ESRP1: variants seen among roughly 807,000 people sequenced by gnomAD.
The protein encoded by ESRP1 is RNA-binding motif protein 35A.
ESRP1 carries 33 observed loss-of-function variants against 81.7 expected under a neutral mutation model. The observed-to-expected ratio is 0.40, with a 90% CI of 0.31 to 0.54. ESRP1 has a LOEUF of 0.54. ESRP1 is among the 20% of genes least tolerant of loss of function. ESRP1 has a pLI of 0.41. For synonymous variants in ESRP1, 320 were observed against 303.3 expected (o/e 1.06, Z -0.57); for missense variants, 672 against 833.1 (o/e 0.81, Z 2.38).
intron 4 of ESRP1, among the ~76,000 whole-genome samples, chr8:94,658,571 T>C (rs1196218396): frequency 6.6e-6 from 1 of 152,236 alleles, no homozygotes; most frequent in Non-Finnish European, 1.5e-5. Context: ...TATAGGGTGG[T>C]ACCTGAGCAC....
rs193067074 is a variant in ESRP1 at position 94,641,482 on chromosome 8, G to A, written c.132+32G>A. 2.5e-5 allele frequency: 40 copies of A among 1,613,802 alleles called. No homozygotes were observed. In the African/African-American group the frequency reaches 5.1e-4, roughly 20 times the overall value. On this transcript the variant is annotated intron_variant, in intron 1 of 15. Transcript: ENST00000433389. ...CTCCACATTTTCGTCTAAATGCAAG[G>A]AATGGGGCAAGAAGTTTGTGGTAGA...
chr8:94,680,493 T>A (rs867321414), intron 13 of ESRP1, among the ~76,000 whole-genome samples: 3 of 152,242 alleles, frequency 2.0e-5, no homozygotes, highest in Middle Eastern at 6.8e-3. Context: ...AATGGCGTGA[T>A]CTTGTCTCAC....
intron 4 of ESRP1, among the ~76,000 whole-genome samples, chr8:94,649,949 A>G (rs1818037763): frequency 6.6e-6 from 1 of 152,130 alleles, no homozygotes; most frequent in Non-Finnish European, 1.5e-5. Context: ...TGCACCATTG[A>G]GCAGAAAGTA....
intron 3 of ESRP1, among the ~76,000 whole-genome samples, chr8:94,645,569 T>C (rs1209949699): frequency 6.6e-6 from 1 of 152,172 alleles, no homozygotes; most frequent in Non-Finnish European, 1.5e-5. Flanking sequence ...AGTTTGTTTT[T>C]GTTTGTGTTT....
chr8:94,664,405 T>C (rs1046830338), intron 6 of ESRP1, among the ~76,000 whole-genome samples: 10 of 152,134 alleles, frequency 6.6e-5, no homozygotes, highest in African/African-American at 2.4e-4. Flanking sequence ...ATTACAGACA[T>C]AAGCCACCAC....
At chr8:94,686,865 G>A (rs1232271354) in intron 13 of ESRP1, among the ~76,000 whole-genome samples, 1 of 151,934 alleles carries the variant, frequency 6.6e-6, no homozygotes, top group Non-Finnish European at 1.5e-5. Flanking sequence ...TTCTTATTTG[G>A]CGTGCAATTA....
intron 9 of ESRP1, 36 bp from the exon 10 acceptor site, chr8:94,667,913 T>C: frequency 1.3e-6 from 2 of 1,513,410 alleles, no homozygotes; most frequent in Non-Finnish European, 8.9e-7. Flanking sequence ...GTCTTAACTA[T>C]TTCTCTCCCT....
At position 94,662,501 on chromosome 8, in the gene ESRP1, A is replaced by T; in HGVS notation, c.590A>T (p.Asn197Ile). Residue 197 changes from asparagine to isoleucine, a missense_variant and splice_region_variant, in exon 6 of 16, where the codon AAT becomes ATT. Coordinates refer to ENST00000433389, the MANE Select transcript of ESRP1 (RefSeq NM_017697.4). Reference protein sequence around the residue: ...IILAMISEPYNHRFSDPERVN... With the variant: ...IILAMISEPYIHRFSDPERVN... ...ATGACTTTTATGTTCTCATTTTTAG[A>T]TCACAGGTTTTCAGATCCAGAGAGA... is the stretch of plus-strand genomic sequence containing the variant. 1 of 1,606,008 alleles carries T rather than the reference A, an allele frequency of 6.2e-7. No homozygotes were observed. Among genetic ancestry groups the T allele is most frequent in the East Asian group, 2.2e-5 (1 of 44,850 alleles).
chr8:94,679,495 T>C (rs950885479), intron 13 of ESRP1, among the ~76,000 whole-genome samples: 1 of 152,188 alleles, frequency 6.6e-6, no homozygotes, highest in African/African-American at 2.4e-5. Context: ...TACAGTGTAA[T>C]TGTAGAATAT....
intron 13 of ESRP1, among the ~76,000 whole-genome samples, chr8:94,686,176 G>C (rs955944587): frequency 6.6e-6 from 1 of 152,100 alleles, no homozygotes; most frequent in Non-Finnish European, 1.5e-5. Flanking sequence ...TGATCCACCC[G>C]CCTCGGCCTC....
intron 13 of ESRP1, among the ~76,000 whole-genome samples, chr8:94,680,171 G>A (rs1002505618): frequency 4.6e-5 from 7 of 151,982 alleles, no homozygotes; most frequent in African/African-American, 1.7e-4. Flanking sequence ...GAACATGCTT[G>A]TATTTCTGTA....
At chr8:94,666,249 C>T (rs1819010461) in intron 9 of ESRP1, among the ~76,000 whole-genome samples, 1 of 152,204 alleles carries the variant, frequency 6.6e-6, no homozygotes, top group African/African-American at 2.4e-5. Context: ...GAGCTGGGCA[C>T]ATGGCTTGTG....
chr8:94,664,907 CTGTT>C lies in ESRP1; in HGVS notation c.756-18_756-15del. On this transcript the variant is annotated splice_polypyrimidine_tract_variant and intron_variant, in intron 7 of 15. Transcript: ENST00000433389. ...CTGTATTTTTTTTTCTACCTGCTGT[CTGTT>C]TTATTATTCTCAAAGGGGAGGTGCA... The C allele has an allele frequency of 6.2e-7, 1 of 1,606,996 alleles. No homozygotes were observed. The highest frequency in any genetic ancestry group is 8.5e-7 in the Non-Finnish European group (1 of 1,177,866).
At chr8:94,676,495 T>C (rs903723188) in intron 12 of ESRP1, among the ~76,000 whole-genome samples, 18 of 150,724 alleles carry the variant, frequency 1.2e-4, no homozygotes, top group Admixed American at 8.0e-4. Context: ...GCATGTGTGG[T>C]TTTTTTTTGT....
At chr8:94,693,205 C>T (rs1010720584) in intron 14 of ESRP1, among the ~76,000 whole-genome samples, 1 of 152,064 alleles carries the variant, frequency 6.6e-6, no homozygotes, top group Non-Finnish European at 1.5e-5. Flanking sequence ...CCAATAAGTA[C>T]TTAAACATGG....
intron 11 of ESRP1, among the ~76,000 whole-genome samples, chr8:94,673,159 C>A (rs1819418341): frequency 6.6e-6 from 1 of 152,220 alleles, no homozygotes; most frequent in Non-Finnish European, 1.5e-5. Context: ...TCTCAGCATG[C>A]TTCACTGGTA....
intron 3 of ESRP1, 132 bp downstream of exon 3, chr8:94,643,548 G>A: frequency 1.7e-6 from 1 of 573,590 alleles, no homozygotes; most frequent in South Asian, 2.4e-5. Context: ...AATGAGTACA[G>A]AATTTCAGTT....
intron 10 of ESRP1, among the ~76,000 whole-genome samples, chr8:94,668,808 T>TGTGTGTGTGTGTGTGTG (rs56799877): frequency 7.3e-5 from 11 of 151,398 alleles, no homozygotes; most frequent in East Asian, 3.9e-4. Flanking sequence ...TGTGTGTGTG[T>TGTGTGTGTGTGTGTGTG]TTGAGATGGG....
chr8:94,674,571 C>T (rs1012230198), intron 12 of ESRP1, 65 bp downstream of exon 12: 37 of 1,455,506 alleles, frequency 2.5e-5, no homozygotes, highest in East Asian at 2.1e-4. Flanking sequence ...AAGCTGCTTT[C>T]GTAACTTTCT....
Sources: gnomAD v4.1 joint callset for allele counts (sites outside exome capture counted in the v4.1 genomes callset) on GRCh38, gnomAD v4.1.1 for gene constraint, MANE v1.5 for transcripts, NCBI Gene and HGNC (gene_info 2026-07-23, HGNC 2026-07-21) for gene names.